Variants in FRMD4B observed in about 807,000 individuals in gnomAD.
FRMD4B encodes the protein FERM domain-containing protein 4B.
In FRMD4B, 74 loss-of-function variants were observed where a neutral mutation model predicts 141.5. The observed-to-expected ratio is 0.52, with a 90% confidence interval of 0.43 to 0.63. FRMD4B has a LOEUF of 0.63. FRMD4B is among the 30% of genes least tolerant of loss of function. The pLI is 0.00. For missense variants in FRMD4B, 1,366 were observed against 1,253.4 expected (o/e 1.09, Z -1.36); for synonymous variants, 506 against 467.9 (o/e 1.08, Z -1.05).
At chr3:69,209,624 A>G (rs2093056797) in intron 11 of FRMD4B, among the ~76,000 whole-genome samples, 1 of 152,230 alleles carries the variant, frequency 6.6e-6, no homozygotes. Flanking sequence ...TTTCAAATCC[A>G]TGCTGTAGGA....
intron 7 of FRMD4B, among the ~76,000 whole-genome samples, chr3:69,245,842 T>G (rs1253329450): frequency 2.1e-5 from 3 of 144,312 alleles, no homozygotes; most frequent in East Asian, 2.0e-4. Flanking sequence ...TTGTTTTTTT[T>G]TTTTTTTTTT....
At chr3:69,521,369 T>C (rs1700850757) in intron 1 of FRMD4B, among the ~76,000 whole-genome samples, 1 of 152,208 alleles carries the variant, frequency 6.6e-6, no homozygotes, top group African/African-American at 2.4e-5. Flanking sequence ...CCTCAGTCTG[T>C]ATCTCTCTTT....
At chr3:69,438,188 C>T (rs569087679) in intron 1 of FRMD4B, among the ~76,000 whole-genome samples, 92 of 151,320 alleles carry the variant, frequency 6.1e-4, no homozygotes, top group Non-Finnish European at 6.0e-4. Context: ...ACTGCAGCCT[C>T]GAACCTCTTG....
chr3:69,370,287 A>G (rs1404086563), intron 1 of FRMD4B, among the ~76,000 whole-genome samples: 1 of 152,148 alleles, frequency 6.6e-6, no homozygotes, highest in East Asian at 1.9e-4. Context: ...GTCAGGAAAA[A>G]CAGGGCACCT....
At chr3:69,301,115 A>C (rs1701205124) in intron 4 of FRMD4B, among the ~76,000 whole-genome samples, 1 of 152,178 alleles carries the variant, frequency 6.6e-6, no homozygotes, top group Non-Finnish European at 1.5e-5. Context: ...CCAAGGAAAG[A>C]TCTCCACCCA....
At chr3:69,276,564 C>T (rs4855376) in intron 5 of FRMD4B, among the ~76,000 whole-genome samples, 138,082 of 152,230 alleles carry the variant, frequency 0.91, 63,191 homozygotes, top group Non-Finnish European at 0.97. Flanking sequence ...TTAGGTGTAC[C>T]CTTCATTTTA....
At chr3:69,353,520 A>C (rs1703222621) in intron 1 of FRMD4B, 2 of 947,628 alleles carry the variant, frequency 2.1e-6, no homozygotes, top group Non-Finnish European at 2.5e-6. Flanking sequence ...CAACTGGAAG[A>C]TCATAAAAAA....
intron 1 of FRMD4B, among the ~76,000 whole-genome samples, chr3:69,446,081 G>C (rs1705406577): frequency 6.6e-6 from 1 of 152,186 alleles, no homozygotes; most frequent in Non-Finnish European, 1.5e-5. Flanking sequence ...AGGCTGGAGT[G>C]CAGTGGCGTG....
intron 7 of FRMD4B, among the ~76,000 whole-genome samples, chr3:69,241,413 T>G (rs1317923196): frequency 1.3e-5 from 2 of 152,182 alleles, no homozygotes; most frequent in Admixed American, 6.5e-5. Context: ...TTGGGAAACT[T>G]TGTTTAACTT....
In FRMD4B at chr3:69,280,878, C is replaced by T. The variant is rs536508569; in HGVS notation, c.501+6874G>A. Among the ~76,000 whole-genome samples the T allele has an allele frequency of 3.3e-5, 5 of 152,152 alleles. No individual in the cohort carries two copies. In the East Asian group the frequency reaches 5.8e-4, roughly 18 times the overall value. On this transcript the variant is annotated intron_variant, in intron 5 of 22. Transcript: ENST00000398540. ...AAGCAATCTGCCCACCCTGGCCTCCCGAAGTGCTGGGATTACAGGCATGAG... is the reference window on the plus strand; with the variant it reads ...AAGCAATCTGCCCACCCTGGCCTCCTGAAGTGCTGGGATTACAGGCATGAG...
At chr3:69,488,077 GA>G (rs1207707574) in intron 1 of FRMD4B, among the ~76,000 whole-genome samples, 2 of 150,238 alleles carry the variant, frequency 1.3e-5, no homozygotes, top group African/African-American at 4.9e-5. Context: ...AGAAAGAAAA[GA>G]AAGAAAGAGA....
rs370395126 is a variant in FRMD4B at position 69,234,682 on chromosome 3, T to C, written c.582-9992A>G. Among the ~76,000 whole-genome samples, 7 of 152,274 alleles carry C rather than the reference T, an allele frequency of 4.6e-5. No homozygotes were observed. The East Asian group carries it at 7.7e-4, about 17-fold the overall frequency. ...AAACAAAAGAAAACAGTGATTATCATTGTACCCTCGTACCCTGGCCAGCAG... is the reference window on the plus strand; with the variant it reads ...AAACAAAAGAAAACAGTGATTATCACTGTACCCTCGTACCCTGGCCAGCAG... On this transcript the variant is annotated intron_variant, in intron 7 of 22. Coordinates refer to ENST00000398540, the MANE Select transcript of FRMD4B (RefSeq NM_015123.3).
At chr3:69,455,233 T>C (rs1705575054) in intron 1 of FRMD4B, among the ~76,000 whole-genome samples, 1 of 152,188 alleles carries the variant, frequency 6.6e-6, no homozygotes, top group Admixed American at 6.5e-5. Flanking sequence ...TGGGGTCAGC[T>C]AAGGGAATAA....
intron 9 of FRMD4B, 64 bp from the exon 10 acceptor site, chr3:69,218,443 T>G (rs545070106): frequency 2.0e-5 from 14 of 702,220 alleles, no homozygotes; most frequent in Non-Finnish European, 3.4e-5. Flanking sequence ...TTGGGAAAAG[T>G]GATTTAAAGA....
intron 2 of FRMD4B, among the ~76,000 whole-genome samples, chr3:69,431,538 T>C (rs1328170917): frequency 6.6e-6 from 1 of 152,254 alleles, no homozygotes. Context: ...CAATAATTAC[T>C]GAGCACTTTT....
chr3:69,520,559 G>T (rs1205135678), intron 1 of FRMD4B, among the ~76,000 whole-genome samples: 1 of 151,722 alleles, frequency 6.6e-6, no homozygotes, highest in East Asian at 1.9e-4. Flanking sequence ...CTGGGGCTTG[G>T]CATGGGATGG....
chr3:69,233,747 G>A lies in FRMD4B; in HGVS notation c.582-9057C>T, dbSNP rs538890606. The stretch of plus-strand genomic sequence containing the variant: ...TCATCACAGCCAAGAACTCTATTTA[G>A]TACTGTGTCCCAGGCAAACCAAAGA... On this transcript the variant is annotated intron_variant, in intron 7 of 22. Coordinates refer to ENST00000398540, the MANE Select transcript of FRMD4B (RefSeq NM_015123.3). 3.8e-4 allele frequency among the ~76,000 whole-genome samples: 58 copies of A among 152,276 alleles called. 1 individual carries two copies. Among genetic ancestry groups the A allele is most frequent in the African/African-American group, 1.0e-3 (42 of 41,560 alleles).
At chr3:69,479,245 C>T (rs979584009) in intron 1 of FRMD4B, among the ~76,000 whole-genome samples, 2 of 150,588 alleles carry the variant, frequency 1.3e-5, no homozygotes, top group African/African-American at 4.9e-5. Context: ...TTGATCCTGT[C>T]ATTATGATGT....
intron 4 of FRMD4B, 63 bp downstream of exon 4, chr3:69,302,280 A>C: frequency 1.2e-6 from 1 of 836,416 alleles, no homozygotes; most frequent in Admixed American, 2.1e-5. Flanking sequence ...CAAAGAAAAC[A>C]CACAAAAACC....
Sources: allele counts gnomAD v4.1 joint callset (sites outside exome capture counted in the v4.1 genomes callset), GRCh38; gene constraint gnomAD v4.1.1; transcripts MANE v1.5; gene names NCBI Gene and HGNC (gene_info 2026-07-23, HGNC 2026-07-21).